NTN4: variants seen among roughly 807,000 people sequenced by gnomAD.
NTN4 encodes netrin-4.
A neutral mutation model predicts 73.6 loss-of-function variants in NTN4; 32 were observed. The observed-to-expected ratio is 0.44, with a 90% CI of 0.33 to 0.58. NTN4 has a LOEUF of 0.58. Ranked by LOEUF, NTN4 falls within the 20% of genes least tolerant of loss-of-function variation. NTN4 has a pLI of 0.04. For missense variants in NTN4, 654 were observed against 798.3 expected, an observed-to-expected ratio of 0.82 and a Z score of 2.18; for synonymous variants, 258 against 287.5, an observed-to-expected ratio of 0.90 and a Z score of 1.04.
chr12:95,708,418 G>T (rs917450646), intron 5 of NTN4, among the ~76,000 whole-genome samples: 8 of 151,700 alleles, frequency 5.3e-5, no homozygotes, highest in African/African-American at 1.9e-4. Flanking sequence ...CTCCCGAGTA[G>T]CTGGAACTAC....
chr12:95,684,134 G>A (rs1206213020), intron 5 of NTN4, among the ~76,000 whole-genome samples: 1 of 152,122 alleles, frequency 6.6e-6, no homozygotes, highest in Non-Finnish European at 1.5e-5. Context: ...AAGAAGATGG[G>A]GCATGTGATG....
At chr12:95,780,363 A>G (rs951864804) in intron 2 of NTN4, among the ~76,000 whole-genome samples, 2 of 152,240 alleles carry the variant, frequency 1.3e-5, no homozygotes, top group Non-Finnish European at 2.9e-5. Context: ...GTGAACAGGC[A>G]ATCTACAGAA....
At chr12:95,695,875 A>G (rs531021568) in intron 5 of NTN4, among the ~76,000 whole-genome samples, 25 of 152,258 alleles carry the variant, frequency 1.6e-4, no homozygotes, top group African/African-American at 5.3e-4. Flanking sequence ...GACAAATTTT[A>G]TCATGGGAAA....
chr12:95,701,503 C>T (rs2078484625), intron 5 of NTN4, among the ~76,000 whole-genome samples: 5 of 152,138 alleles, frequency 3.3e-5, no homozygotes, highest in Admixed American at 3.3e-4. Flanking sequence ...CTGGAATCCT[C>T]AGAAGTGATT....
chr12:95,790,049 G>T lies in NTN4; in HGVS notation c.55+206C>A. ...ACCCAGGATAGCTGGTTATCCAAGCGCATGTGTATCCCAGTTGTAAAAATA... is the reference window on the plus strand; with the variant it reads ...ACCCAGGATAGCTGGTTATCCAAGCTCATGTGTATCCCAGTTGTAAAAATA... On this transcript the variant is annotated intron_variant, in intron 1 of 9. Coordinates refer to ENST00000343702, the MANE Select transcript of NTN4 (RefSeq NM_021229.4). The surrounding 1 kb of genome is among the most constrained non-coding windows in gnomAD (Gnocchi z 6.5). The T allele has an allele frequency of 2.2e-6, 1 of 452,758 alleles. No individual in the cohort carries two copies. The highest frequency in any genetic ancestry group is 4.0e-6 in the Non-Finnish European group (1 of 251,488). 28.0% of individuals were successfully genotyped at this position (452,758 alleles called of 1,614,324 possible). A position where few individuals can be genotyped will look rare whatever the true frequency, so the allele number is the denominator to read the frequency against.
intron 3 of NTN4, among the ~76,000 whole-genome samples, chr12:95,724,488 T>A (rs915983854): frequency 4.6e-5 from 7 of 152,240 alleles, no homozygotes; most frequent in African/African-American, 1.7e-4. Context: ...TTTGCATGTA[T>A]GCAATGGCAA....
intron 1 of NTN4, among the ~76,000 whole-genome samples, chr12:95,788,016 G>A (rs2079182217): frequency 6.6e-6 from 1 of 152,142 alleles, no homozygotes. Flanking sequence ...TTTTAAGCCA[G>A]GGAAGGGATA....
intron 2 of NTN4, among the ~76,000 whole-genome samples, chr12:95,738,708 A>G (rs1298746605): frequency 6.6e-6 from 1 of 152,204 alleles, no homozygotes; most frequent in Non-Finnish European, 1.5e-5. Flanking sequence ...TGGATATAAA[A>G]GTATCACCTT....
At chr12:95,721,800 A>G (rs2078649901) in intron 3 of NTN4, among the ~76,000 whole-genome samples, 1 of 152,188 alleles carries the variant, frequency 6.6e-6, no homozygotes, top group South Asian at 2.1e-4. Context: ...AAAATTTTAT[A>G]TGCCCCAAAG....
chr12:95,664,668 A>T (rs994327950), intron 9 of NTN4, among the ~76,000 whole-genome samples: 1 of 151,990 alleles, frequency 6.6e-6, no homozygotes, highest in Non-Finnish European at 1.5e-5. Flanking sequence ...GCTGGAGTAC[A>T]GTGGTGCGAT....
At position 95,759,620 on chromosome 12, in the gene NTN4, C is replaced by T. The variant is rs143112470; in HGVS notation, c.586-21476G>A. On this transcript the variant is annotated intron_variant, in intron 2 of 9. Coordinates refer to ENST00000343702, the MANE Select transcript of NTN4 (RefSeq NM_021229.4). ...GGATTACAGACACCTGTCACCACAC[C>T]TGGCTAATTTTTGTGTATTTTAGTA... Among the ~76,000 whole-genome samples, 3 of 151,924 alleles carry T rather than the reference C, an allele frequency of 2.0e-5. No individual in the cohort carries two copies. The East Asian group carries it at 5.8e-4, about 29-fold the overall frequency.
chr12:95,761,623 G>A (rs974057911), intron 2 of NTN4, among the ~76,000 whole-genome samples: 2 of 152,004 alleles, frequency 1.3e-5, no homozygotes, highest in African/African-American at 2.4e-5. Flanking sequence ...GTGAGCCACC[G>A]TGCCCAGCCC....
At chr12:95,666,581 C>G (rs2078182537) in intron 8 of NTN4, among the ~76,000 whole-genome samples, 1 of 152,076 alleles carries the variant, frequency 6.6e-6, no homozygotes, top group Admixed American at 6.6e-5. Flanking sequence ...AACCATTTGC[C>G]TATTGCAATT....
At chr12:95,706,298 CT>C (rs2078521690) in intron 5 of NTN4, among the ~76,000 whole-genome samples, 1 of 114,946 alleles carries the variant, frequency 8.7e-6, no homozygotes, top group Admixed American at 8.5e-5. Context: ...ACAAAAAAAA[CT>C]AAAACAAAAT....
intron 7 of NTN4, chr12:95,673,048 C>T (rs1056110510): frequency 1.3e-6 from 2 of 1,485,624 alleles, no homozygotes; most frequent in Non-Finnish European, 1.9e-6. Flanking sequence ...TGTGGCTGCC[C>T]AGGGCAAGGC....
intron 3 of NTN4, among the ~76,000 whole-genome samples, chr12:95,715,119 T>C (rs1358792690): frequency 2.6e-5 from 4 of 152,184 alleles, no homozygotes; most frequent in African/African-American, 9.7e-5. Context: ...ATGGGCCTTA[T>C]GCTCACATAA....
intron 7 of NTN4, among the ~76,000 whole-genome samples, chr12:95,677,309 G>A (rs1221636792): frequency 6.6e-6 from 1 of 151,896 alleles, no homozygotes; most frequent in Non-Finnish European, 1.5e-5. Context: ...TAATAACCAT[G>A]ACAGATATTG....
At chr12:95,786,696 T>C (rs1592722735) in intron 2 of NTN4, among the ~76,000 whole-genome samples, 1 of 152,202 alleles carries the variant, frequency 6.6e-6, no homozygotes, top group East Asian at 1.9e-4. Context: ...GTCTGCTCTT[T>C]TTTATATGTG....
chr12:95,679,024 G>C (rs1485301549), intron 7 of NTN4, among the ~76,000 whole-genome samples: 1 of 152,082 alleles, frequency 6.6e-6, no homozygotes, highest in Non-Finnish European at 1.5e-5. Flanking sequence ...GCTATTGAAA[G>C]GCCTTAAAGA....
Sources: allele counts gnomAD v4.1 joint callset (sites outside exome capture counted in the v4.1 genomes callset), GRCh38; gene constraint gnomAD v4.1.1; non-coding constraint Gnocchi (gnomAD v3.1); transcripts MANE v1.5; gene names NCBI Gene and HGNC (gene_info 2026-07-23, HGNC 2026-07-21).